MALRD1: variants seen among roughly 807,000 people sequenced by gnomAD.
The protein encoded by MALRD1 is MAM and LDL receptor class A domain containing 1.
In MALRD1, 247 loss-of-function variants were observed where a neutral mutation model predicts 242.1. The observed-to-expected ratio is 1.02, with a 90% CI of 0.92 to 1.13. The LOEUF (loss-of-function observed/expected upper bound fraction) is 1.13. Among genes scored for constraint, MALRD1 ranks in the 50% most tolerant of loss-of-function variants. The pLI is 0.00. For synonymous variants in MALRD1, 995 were observed against 866.6 expected, an observed-to-expected ratio of 1.15 and a Z score of -2.60; for missense variants, 2,989 against 2,533.1, an observed-to-expected ratio of 1.18 and a Z score of -3.86.
At chr10:19,101,948 C>A (rs984479346) in intron 4 of MALRD1, among the ~76,000 whole-genome samples, 1 of 133,544 alleles carries the variant, frequency 7.5e-6, no homozygotes, top group African/African-American at 2.7e-5. Context: ...TTAAAAATAT[C>A]TGTATCTATA....
chr10:19,497,215 A>T lies in MALRD1; in HGVS notation c.5159-1270A>T, dbSNP rs374195106. ...GACTGTCTTTTATGTCCATTGCAAG[A>T]TTCTGAATTTTTACAGATGTGTTGG... On this transcript the variant is annotated intron_variant, in intron 30 of 39. Transcript: ENST00000454679. 2.1e-3 allele frequency among the ~76,000 whole-genome samples: 315 copies of T among 152,050 alleles called. 1 individual carries two copies. The highest frequency in any genetic ancestry group is 6.2e-3 in the African/African-American group (256 of 41,410).
chr10:19,296,677 T>C (rs1841716552), intron 21 of MALRD1, among the ~76,000 whole-genome samples: 1 of 152,136 alleles, frequency 6.6e-6, no homozygotes, highest in Non-Finnish European at 1.5e-5. Flanking sequence ...AAATATCTTA[T>C]TGGCTATTCA....
At chr10:19,181,578 G>A (rs555571851) in intron 14 of MALRD1, among the ~76,000 whole-genome samples, 2 of 152,076 alleles carry the variant, frequency 1.3e-5, no homozygotes, top group African/African-American at 2.4e-5. Flanking sequence ...TATGTAGATC[G>A]GAGGATACGA....
chr10:19,338,303 A>G (rs1843697254), intron 24 of MALRD1, among the ~76,000 whole-genome samples: 1 of 152,098 alleles, frequency 6.6e-6, no homozygotes, highest in Admixed American at 6.6e-5. Context: ...TCATTGCCCT[A>G]AAAATCCTCT....
At position 19,059,365 on chromosome 10, in the gene MALRD1, A is replaced by T. The variant is rs114168845; in HGVS notation, c.200-7354A>T. On this transcript the variant is annotated intron_variant, in intron 1 of 39. Transcript: ENST00000454679. The stretch of plus-strand genomic sequence containing the variant: ...ATATCTTTATGATTTCAACTTTTCT[A>T]AAATAGCATCTATTGTTTTTGGGGT... Among the ~76,000 whole-genome samples, 864 of 151,760 alleles carry T rather than the reference A, an allele frequency of 5.7e-3. 17 individuals are homozygous for T. Among genetic ancestry groups the T allele is most frequent in the African/African-American group, 0.02 (812 of 41,150 alleles).
intron 36 of MALRD1, among the ~76,000 whole-genome samples, chr10:19,689,535 T>C (rs1842737102): frequency 6.6e-6 from 1 of 152,054 alleles, no homozygotes; most frequent in Non-Finnish European, 1.5e-5. Flanking sequence ...TAAAGTAATA[T>C]TGGATACTGG....
At chr10:19,150,916 G>A (rs1833924439) in intron 11 of MALRD1, among the ~76,000 whole-genome samples, 1 of 152,004 alleles carries the variant, frequency 6.6e-6, no homozygotes, top group Non-Finnish European at 1.5e-5. Flanking sequence ...CCTCCTGTAG[G>A]ATACTTTCGA....
At chr10:19,100,432 A>C (rs1216021693) in intron 4 of MALRD1, among the ~76,000 whole-genome samples, 1 of 150,124 alleles carries the variant, frequency 6.7e-6, no homozygotes, top group African/African-American at 2.5e-5. Flanking sequence ...AGTAATTTAA[A>C]AGCTGCTTCA....
At chr10:19,237,013 A>T (rs1161869469) in intron 18 of MALRD1, among the ~76,000 whole-genome samples, 1 of 152,028 alleles carries the variant, frequency 6.6e-6, no homozygotes, top group Non-Finnish European at 1.5e-5. Flanking sequence ...AAATTTTCAC[A>T]TTGTAATTAT....
rs139799217 is a variant in MALRD1 at position 19,692,154 on chromosome 10, A to G, written c.6138-128A>G. 3.0e-4 allele frequency: 216 copies of G among 721,890 alleles called. No homozygotes were observed. In the African/African-American group the frequency reaches 3.7e-3, roughly 12 times the overall value. 44.7% of individuals were successfully genotyped at this position (721,890 alleles called of 1,614,324 possible). ...TTTGGCTTAAAGTTTTTGGTTTTTT[A>G]TCAAAGTTATCCATGTTCCTAGTAT... On this transcript the variant is annotated intron_variant, in intron 36 of 39. Transcript: ENST00000454679.
intron 10 of MALRD1, among the ~76,000 whole-genome samples, chr10:19,138,048 G>A (rs1243614733): frequency 6.6e-6 from 1 of 152,126 alleles, no homozygotes; most frequent in Non-Finnish European, 1.5e-5. Flanking sequence ...GTTTCTCTTG[G>A]GAAGCTTGGA....
intron 30 of MALRD1, among the ~76,000 whole-genome samples, chr10:19,498,088 C>T (rs953458560): frequency 6.6e-6 from 1 of 152,160 alleles, no homozygotes; most frequent in African/African-American, 2.4e-5. Context: ...AATGACTTTG[C>T]GTCGCTAATA....
intron 2 of MALRD1, among the ~76,000 whole-genome samples, chr10:19,068,316 T>A (rs572676499): frequency 9.2e-5 from 14 of 152,182 alleles, no homozygotes; most frequent in African/African-American, 3.4e-4. Context: ...TCCCTCGTTT[T>A]TTTTATGCAT....
intron 29 of MALRD1, among the ~76,000 whole-genome samples, chr10:19,488,327 A>C (rs1035743882): frequency 6.6e-6 from 1 of 152,226 alleles, no homozygotes; most frequent in African/African-American, 2.4e-5. Flanking sequence ...AGAGAACACG[A>C]TAAGAACTTC....
At chr10:19,104,572 T>C (rs1305470378) in intron 5 of MALRD1, among the ~76,000 whole-genome samples, 2 of 152,136 alleles carry the variant, frequency 1.3e-5, no homozygotes, top group Non-Finnish European at 2.9e-5. Context: ...TAATATTCTA[T>C]TCTTCATTTA....
At chr10:19,490,507 G>GGGGC (rs1554783712) in intron 29 of MALRD1, among the ~76,000 whole-genome samples, 1 of 20,100 alleles carries the variant, frequency 5.0e-5, no homozygotes, top group Non-Finnish European at 1.5e-4. Flanking sequence ...CAAGTGGGGC[G>GGGGC]GGGGGGGGGC....
intron 32 of MALRD1, among the ~76,000 whole-genome samples, chr10:19,537,778 T>C: frequency 6.6e-6 from 1 of 152,132 alleles, no homozygotes; most frequent in East Asian, 1.9e-4. Flanking sequence ...TCATGAGGTC[T>C]CCCCCTTCAT....
chr10:19,230,704 G>C (rs979011440), intron 18 of MALRD1, among the ~76,000 whole-genome samples: 4 of 152,126 alleles, frequency 2.6e-5, no homozygotes, highest in African/African-American at 9.7e-5. Flanking sequence ...TGGGAAAAGG[G>C]AGAGAGTTAG....
chr10:19,057,703 T>A (rs1834708964), intron 1 of MALRD1, among the ~76,000 whole-genome samples: 1 of 152,178 alleles, frequency 6.6e-6, no homozygotes, highest in Non-Finnish European at 1.5e-5. Context: ...TAGGTCCATT[T>A]TCATGGAATC....
Sources: gnomAD v4.1 joint callset for allele counts (sites outside exome capture counted in the v4.1 genomes callset) on GRCh38, gnomAD v4.1.1 for gene constraint, MANE v1.5 for transcripts, NCBI Gene and HGNC (gene_info 2026-07-23, HGNC 2026-07-21) for gene names.